The following SIGLEC1 variants were observed in gnomAD, a reference collection of about 807,000 sequenced individuals.
The protein encoded by SIGLEC1 is sialic acid binding Ig like lectin 1.
In SIGLEC1, 132 loss-of-function variants were observed where a neutral mutation model predicts 148.0. The observed-to-expected ratio is 0.89, with a 90% CI of 0.77 to 1.03. The LOEUF is 1.03. Ranked by LOEUF, SIGLEC1 falls within the 50% of genes least tolerant of loss-of-function variation. The pLI is 0.00. For synonymous variants in SIGLEC1, 945 were observed against 969.0 expected (o/e 0.98, Z 0.46); for missense variants, 2,253 against 2,271.4 (o/e 0.99, Z 0.16).
Position 3,699,288 on chromosome 20 carries a change from C to T in SIGLEC1, c.1700G>A (p.Ser567Asn), listed in dbSNP as rs145038712. Residue 567 changes from serine (S) to asparagine (N), a missense_variant, in exon 8 of 22, where the codon AGC (serine) becomes AAC (asparagine). Ser to Asn is a conservative substitution (Grantham distance 46). Coordinates refer to ENST00000344754, the MANE Select transcript of SIGLEC1 (RefSeq NM_023068.4). Reference sequence around the variant, plus strand: ...GCAGTGGTATGAGCCGGCGTCAGTGCTGGAGGCCGCGGGGAGCAGGAGGCT... The same window carrying T: ...GCAGTGGTATGAGCCGGCGTCAGTGTTGGAGGCCGCGGGGAGCAGGAGGCT... ...GSSLLLPAAS[S>N]TDAGSYHCRA... 1.9e-6 allele frequency: 3 copies of T among 1,608,530 alleles called. No homozygotes were observed. The highest frequency in any genetic ancestry group is 2.7e-5 in the African/African-American group (2 of 74,878).
At position 3,692,944 on chromosome 20, in the gene SIGLEC1, C is replaced by G. The variant is rs1277371174; in HGVS notation, c.3696G>C (p.Gln1232His). 1 of 1,612,530 alleles carries G rather than the reference C, an allele frequency of 6.2e-7. No individual in the cohort carries two copies. Among genetic ancestry groups the G allele is most frequent in the East Asian group, 2.2e-5 (1 of 44,886 alleles). Residue 1232 changes from glutamine to histidine, a missense_variant, in exon 15 of 22, where the codon CAG becomes CAC. By Grantham distance (24) the Gln-to-His change is conservative (BLOSUM62 0). Transcript: ENST00000344754. ...NTLRLELRGPQPRDEGFYSCS... is the reference protein window; with the variant it reads ...NTLRLELRGPHPRDEGFYSCS... ...AGCTGTAGAAACCCTCATCCCTGGG[C>G]TGTGGCCCTCGCAGCTCCAGGCGCA...
chr20:3,694,357 C>A lies in SIGLEC1; in HGVS notation c.3120G>T (p.Arg1040Ser). The stretch of plus-strand genomic sequence containing the variant: ...TGTTGGGGGCCACAGCCACATGCAG[C>A]CTGGGAGAGCTGCCTTCGGGTCCCC... ...GVGGPEGSSP[R>S]LHVAVAPNTL... Residue 1040 changes from arginine (R) to serine (S), a missense_variant, in exon 13 of 22, where the codon AGG becomes AGT. Transcript: ENST00000344754. The A allele has an allele frequency of 6.2e-7, 1 of 1,613,258 alleles. No homozygotes were observed. The highest frequency in any genetic ancestry group is 8.5e-7 in the Non-Finnish European group (1 of 1,179,960).
Position 3,706,377 on chromosome 20 carries a change from C to T in SIGLEC1, c.379G>A (p.Asp127Asn). Residue 127 changes from aspartate to asparagine, a missense_variant, in exon 3 of 22, where the codon GAT becomes AAT. Coordinates refer to ENST00000344754, the MANE Select transcript of SIGLEC1 (RefSeq NM_023068.4). ...FEISEVNRWS[D>N]VKGTLVTVTE... ...ACTGTGACCAAGGTGCCTTTCACAT[C>T]TGACCAGCGGTTGACCTCACTGATC... 6.2e-7 allele frequency: 1 copy of T among 1,613,284 alleles called. No individual in the cohort carries two copies. The highest frequency in any genetic ancestry group is 2.2e-5 in the East Asian group (1 of 44,860).
Position 3,705,897 on chromosome 20 carries a change from T to C in SIGLEC1, c.553A>G (p.Thr185Ala), listed in dbSNP as rs556442278. The part of the protein sequence containing the change: ...WQGQDPARSV[T>A]FNSQKFEPTG... ...GGCTCAAACTTCTGGCTGTTGAAGGTGACAGAGCGAGCAGGGTCCTGGCCT... is the reference window on the plus strand; with the variant it reads ...GGCTCAAACTTCTGGCTGTTGAAGGCGACAGAGCGAGCAGGGTCCTGGCCT... The change falls in exon 4 of 22, where the codon ACC (threonine) becomes GCC (alanine). Residue 185 changes from threonine to alanine, a missense_variant. Thr to Ala is a moderately conservative substitution (Grantham distance 58). Transcript: ENST00000344754. 1.6e-4 allele frequency: 253 copies of C among 1,614,076 alleles called. 2 individuals carry two copies. In the East Asian group the frequency reaches 3.8e-3, roughly 24 times the overall value.
In SIGLEC1 at chr20:3,694,776, G is replaced by A. The variant is rs142777967; in HGVS notation, c.2831C>T (p.Thr944Met). 62 of 1,613,542 alleles carry A rather than the reference G, an allele frequency of 3.8e-5. No individual in the cohort carries two copies. The highest frequency in any genetic ancestry group is 1.6e-4 in the African/African-American group (12 of 74,920). ...CAAAGTTATGGCTGCAAAGCGGAGC[G>A]TGGCCGAGGTCGACTCCTGGAGGGG... ...GQPLQESTSATLRFAAITLTQ... is the reference protein window; with the variant it reads ...GQPLQESTSAMLRFAAITLTQ... The change falls in exon 12 of 22, where the codon ACG (threonine) becomes ATG (methionine). Residue 944 changes from threonine to methionine, a missense_variant. Coordinates refer to ENST00000344754, the MANE Select transcript of SIGLEC1 (RefSeq NM_023068.4).
chr20:3,699,160 G>T, intron 8 of SIGLEC1, 42 bp downstream of exon 8: 1 of 1,595,358 alleles, frequency 6.3e-7, no homozygotes, highest in Non-Finnish European at 8.5e-7. Flanking sequence ...GGGGTGGCTG[G>T]TGGGTCCCGG....
chr20:3,697,519 G>A (rs967106448), intron 9 of SIGLEC1, among the ~76,000 whole-genome samples, 177 bp from the exon 10 acceptor site: 5 of 152,040 alleles, frequency 3.3e-5, no homozygotes, highest in African/African-American at 7.3e-5. Flanking sequence ...GACTGTGGGG[G>A]CCCTGGGCAG....
rs143489222 is a variant in SIGLEC1, at chr20:3,691,399, C to T, written c.4532G>A (p.Cys1511Tyr). The T allele has an allele frequency of 4.2e-3, 6,747 of 1,613,400 alleles. 28 individuals are homozygous for T. Among genetic ancestry groups the T allele is most frequent in the Non-Finnish European group, 5.4e-3 (6,388 of 1,180,030 alleles). ...AGCCCCAGTGGGGAGCTCAGCCAGG[C>T]AGTGGTACATCCCAGCTTGAGCACG... ...VARAQAGMYH[C>Y]LAELPTGAAA... Residue 1511 changes from cysteine (C) to tyrosine (Y), a missense_variant, in exon 18 of 22, where the codon TGC becomes TAC. By Grantham distance (194) the Cys-to-Tyr change is radical (BLOSUM62 -2). Transcript: ENST00000344754.
Position 3,707,851 on chromosome 20 carries a change from C to T in SIGLEC1, c.-109-614G>A, listed in dbSNP as rs751326096. Among the ~76,000 whole-genome samples the T allele has an allele frequency of 9.2e-5, 14 of 152,240 alleles. 1 individual carries two copies. The highest frequency in any genetic ancestry group is 2.1e-4 in the Non-Finnish European group (14 of 68,048). ...CTCCCTAGCTGCCCAGCTCTATCTC[C>T]ACCACAGATAATCTTTGCCTGCTGA... On this transcript the variant is annotated intron_variant, in intron 1 of 21. Transcript: ENST00000344754.
intron 11 of SIGLEC1, among the ~76,000 whole-genome samples, chr20:3,695,308 T>C (rs904115765): frequency 1.3e-5 from 2 of 152,160 alleles, no homozygotes; most frequent in African/African-American, 4.8e-5. Flanking sequence ...AAGGGAGGGA[T>C]TTAGATCATC....
chr20:3,697,531 G>C (rs1319876601), intron 9 of SIGLEC1, among the ~76,000 whole-genome samples, 189 bp from the exon 10 acceptor site: 1 of 152,170 alleles, frequency 6.6e-6, no homozygotes, highest in Non-Finnish European at 1.5e-5. Context: ...CCTGGGCAGA[G>C]AGGGTTGCAG....
intron 1 of SIGLEC1, among the ~76,000 whole-genome samples, chr20:3,708,857 C>A (rs1176318031): frequency 6.6e-6 from 1 of 151,944 alleles, no homozygotes; most frequent in East Asian, 1.9e-4. Context: ...ACCATCCTGG[C>A]CAACATGGTG....
At position 3,693,126 on chromosome 20, in the gene SIGLEC1, G is replaced by A. The variant is rs766123442; in HGVS notation, c.3514C>T (p.Pro1172Ser). The A allele has an allele frequency of 1.9e-4, 299 of 1,558,118 alleles. No homozygotes were observed. The highest frequency in any genetic ancestry group is 2.5e-4 in the Non-Finnish European group (285 of 1,157,916). Residue 1172 changes from proline to serine, a missense_variant, in exon 15 of 22, where the codon CCC (proline) becomes TCC (serine). Transcript: ENST00000344754. Reference sequence around the variant, plus strand: ...AGGTAGGTCAGGCGCAGGTTGCGGGGCGCGTCTGCAGGGCATGAGAGGCTT... The same window carrying A: ...AGGTAGGTCAGGCGCAGGTTGCGGGACGCGTCTGCAGGGCATGAGAGGCTT... Reference protein sequence around the residue: ...RPITLDVLYAPRNLRLTYLLE... With the variant: ...RPITLDVLYASRNLRLTYLLE...
chr20:3,691,392 A>G lies in SIGLEC1; in HGVS notation c.4539T>C (p.Ala1513=). 6.2e-7 allele frequency: 1 copy of G among 1,613,216 alleles called. No homozygotes were observed. The highest frequency in any genetic ancestry group is 8.5e-7 in the Non-Finnish European group (1 of 1,179,848). ...AGGCAGCAGCCCCAGTGGGGAGCTC[A>G]GCCAGGCAGTGGTACATCCCAGCTT... The part of the protein sequence containing the change: ...RAQAGMYHCL[A]ELPTGAAASA... Residue 1513 remains alanine (A), a synonymous_variant, in exon 18 of 22, where the codon GCT becomes GCC. Coordinates refer to ENST00000344754, the MANE Select transcript of SIGLEC1 (RefSeq NM_023068.4).
chr20:3,697,998 C>G lies in SIGLEC1; in HGVS notation c.1922G>C (p.Arg641Pro). ...TGATGGCAGGGAAGTGGCCACAACACGGTCCTTGTGGAGCAGCTGCAGCCT... is the reference window on the plus strand; with the variant it reads ...TGATGGCAGGGAAGTGGCCACAACAGGGTCCTTGTGGAGCAGCTGCAGCCT... The part of the protein sequence containing the change: ...PARLQLLHKD[R>P]VVATSLPSGG... Residue 641 changes from arginine (R) to proline (P), a missense_variant, in exon 9 of 22, where the codon CGT (arginine) becomes CCT (proline). Arg to Pro is a moderately radical substitution (Grantham distance 103). Transcript: ENST00000344754. The G allele has an allele frequency of 6.2e-7, 1 of 1,611,190 alleles. No individual in the cohort carries two copies. Among genetic ancestry groups the G allele is most frequent in the Non-Finnish European group, 8.5e-7 (1 of 1,178,994 alleles).
Position 3,691,571 on chromosome 20 carries a change from C to G in SIGLEC1, c.4360G>C (p.Asp1454His), listed in dbSNP as rs866924037. 1.6e-5 allele frequency: 25 copies of G among 1,612,786 alleles called. No individual in the cohort carries two copies. In the Middle Eastern group the frequency reaches 2.8e-3, roughly 184 times the overall value. ...GARVVAEPGL[D>H]VPEGAALNLS... ...TTCAGGGCAGCGCCCTCAGGCACGT[C>G]CAGGCCAGGCTCTGCCACCACGCGT... Residue 1454 changes from aspartate to histidine, a missense_variant, in exon 18 of 22, where the codon GAC becomes CAC. Transcript: ENST00000344754.
At chr20:3,692,807 C>T in intron 15 of SIGLEC1, 35 bp from the exon 16 acceptor site, 1 of 1,600,546 alleles carries the variant, frequency 6.2e-7, no homozygotes. Flanking sequence ...CCGGGCCCAG[C>T]CGGACACCAC....
intron 7 of SIGLEC1, 49 bp from the exon 8 acceptor site, chr20:3,699,508 A>G: frequency 6.4e-7 from 1 of 1,564,176 alleles, no homozygotes; most frequent in Non-Finnish European, 8.7e-7. Context: ...TCAACCCCAC[A>G]TGCTGCCCTA....
chr20:3,691,569 G>A lies in SIGLEC1; in HGVS notation c.4362C>T (p.Asp1454=), dbSNP rs752676631. The A allele has an allele frequency of 4.3e-5, 70 of 1,612,750 alleles. No individual in the cohort carries two copies. Among genetic ancestry groups the A allele is most frequent in the Middle Eastern group, 1.7e-4 (1 of 6,000 alleles). Residue 1454 remains aspartate (D), a synonymous_variant, in exon 18 of 22, where the codon GAC becomes GAT. Transcript: ENST00000344754. ...GGTTCAGGGCAGCGCCCTCAGGCAC[G>A]TCCAGGCCAGGCTCTGCCACCACGC... is the stretch of plus-strand genomic sequence containing the variant. ...GARVVAEPGL[D]VPEGAALNLS... is the part of the protein sequence containing the mutation.
Sources: allele counts gnomAD v4.1 joint callset (sites outside exome capture counted in the v4.1 genomes callset), GRCh38; gene constraint gnomAD v4.1.1; transcripts MANE v1.5; gene names NCBI Gene and HGNC (gene_info 2026-07-23, HGNC 2026-07-21).